The following CACNA1C variants were observed in gnomAD, a reference collection of about 807,000 sequenced individuals.
The protein encoded by CACNA1C is voltage-dependent L-type calcium channel subunit alpha-1C.
CACNA1C carries 30 observed loss-of-function variants against 229.0 expected under a neutral mutation model. That is an observed-to-expected ratio of 0.13 (90% CI 0.10 to 0.18). The LOEUF (loss-of-function observed/expected upper bound fraction) is 0.18. Ranked by LOEUF, CACNA1C falls within the 10% of genes least tolerant of loss-of-function variation. The pLI is 1.00. For missense variants in CACNA1C, 1,658 were observed against 2,845.0 expected, an observed-to-expected ratio of 0.58 and a Z score of 9.49; for synonymous variants, 1,114 against 1,132.5, an observed-to-expected ratio of 0.98 and a Z score of 0.33.
chr12:2,381,220 T>C (rs1417714943), intron 3 of CACNA1C, among the ~76,000 whole-genome samples: 1 of 152,192 alleles, frequency 6.6e-6, no homozygotes. Context: ...CCTGAAATTA[T>C]ATATAAAATG....
At chr12:2,501,051 A>G (rs2099758576) in intron 7 of CACNA1C, among the ~76,000 whole-genome samples, 1 of 151,360 alleles carries the variant, frequency 6.6e-6, no homozygotes, top group Non-Finnish European at 1.5e-5. Context: ...CTTTAAAAAA[A>G]AAAAAAAATT....
At position 2,653,799 on chromosome 12, in the gene CACNA1C, T is replaced by C; in HGVS notation, c.4075-36T>C. On this transcript the variant is annotated intron_variant, in intron 32 of 46. Coordinates refer to ENST00000399655, the MANE Select transcript of CACNA1C (RefSeq NM_000719.7). The surrounding 1 kb of genome is among the most constrained non-coding windows in gnomAD (Gnocchi z 4.7). ...GAAGGGGCCCAGCTGGCCTCTGCACTCCAGCCTCATGGGAGTCTCCTGCAC... is the reference window on the plus strand; with the variant it reads ...GAAGGGGCCCAGCTGGCCTCTGCACCCCAGCCTCATGGGAGTCTCCTGCAC... 1 of 1,595,326 alleles carries C rather than the reference T, an allele frequency of 6.3e-7. No homozygotes were observed. Among genetic ancestry groups the C allele is most frequent in the Non-Finnish European group, 8.6e-7 (1 of 1,163,632 alleles).
intron 1 of CACNA1C, among the ~76,000 whole-genome samples, chr12:2,081,829 A>C (rs1402153513): frequency 6.6e-6 from 1 of 152,226 alleles, no homozygotes; most frequent in Non-Finnish European, 1.5e-5. Context: ...ATGAACTATT[A>C]TTTGAAATAT....
At chr12:2,240,889 C>T (rs865911127) in intron 3 of CACNA1C, among the ~76,000 whole-genome samples, 11 of 152,074 alleles carry the variant, frequency 7.2e-5, no homozygotes, top group African/African-American at 2.2e-4. Context: ...GGTGAGAGTC[C>T]CCTCTCTACA....
At chr12:2,652,993 T>G (rs1478495685) in intron 32 of CACNA1C, among the ~76,000 whole-genome samples, 1 of 152,214 alleles carries the variant, frequency 6.6e-6, no homozygotes, top group Non-Finnish European at 1.5e-5. Flanking sequence ...TGGCGCCTGC[T>G]CTGACGGCAC....
At chr12:2,448,706 A>G (rs999763908) in intron 3 of CACNA1C, among the ~76,000 whole-genome samples, 2 of 152,208 alleles carry the variant, frequency 1.3e-5, no homozygotes, top group African/African-American at 2.4e-5. Context: ...GTTTCAAAAA[A>G]TATGAAATTT....
At chr12:2,099,849 A>G (rs140560193) in intron 1 of CACNA1C, among the ~76,000 whole-genome samples, 3 of 152,110 alleles carry the variant, frequency 2.0e-5, no homozygotes, top group Non-Finnish European at 4.4e-5. Context: ...AGCTCCTTGC[A>G]GCTCTGTCCT....
At chr12:2,589,558 G>A (rs924421395) in intron 18 of CACNA1C, among the ~76,000 whole-genome samples, 8 of 152,226 alleles carry the variant, frequency 5.3e-5, no homozygotes, top group African/African-American at 1.7e-4. Flanking sequence ...GCGAGAGGCC[G>A]GGGCAGGGCA....
At position 2,242,127 on chromosome 12, in the gene CACNA1C, C is replaced by T. The variant is rs187326393; in HGVS notation, c.477+121697C>T. Reference sequence around the variant, plus strand: ...CCTCCGACCTGGCCTCCCACCTCCACGCTCAGTTTTCCCAGCCATACTTTG... The same window carrying T: ...CCTCCGACCTGGCCTCCCACCTCCATGCTCAGTTTTCCCAGCCATACTTTG... On this transcript the variant is annotated intron_variant, in intron 3 of 46. Coordinates refer to ENST00000399655, the MANE Select transcript of CACNA1C (RefSeq NM_000719.7). 5.0e-3 allele frequency among the ~76,000 whole-genome samples: 767 copies of T among 152,322 alleles called. 35 individuals are homozygous for T. Among genetic ancestry groups the T allele is most frequent in the Admixed American group, 0.046 (702 of 15,298 alleles).
chr12:2,285,271 TC>T lies in CACNA1C; in HGVS notation c.478-163704del, dbSNP rs1219646844. On this transcript the variant is annotated intron_variant, in intron 3 of 46. Coordinates refer to ENST00000399655, the MANE Select transcript of CACNA1C (RefSeq NM_000719.7). This position sits in a 1 kb window ranked among gnomAD's most constrained non-coding sequence, Gnocchi z 4.2. Reference sequence around the variant, plus strand: ...CCTTTACACTGGGCATTCAATGTCATCACATTGATAACTTGAAATGGGCAGT... The same window carrying T: ...CCTTTACACTGGGCATTCAATGTCATACATTGATAACTTGAAATGGGCAGT... Among the ~76,000 whole-genome samples, 7 of 152,300 alleles carry T rather than the reference TC, an allele frequency of 4.6e-5. No individual in the cohort carries two copies. The East Asian group carries it at 1.3e-3, about 29-fold the overall frequency.
chr12:2,528,645 T>G (rs1308355027), intron 9 of CACNA1C, among the ~76,000 whole-genome samples: 1 of 152,182 alleles, frequency 6.6e-6, no homozygotes, highest in African/African-American at 2.4e-5. Context: ...AGAAAGCGTT[T>G]GTTCACAAGG....
chr12:2,360,156 A>ACCCCCCCCCCCCC (rs796441635), intron 3 of CACNA1C, among the ~76,000 whole-genome samples: 3 of 57,076 alleles, frequency 5.3e-5, no homozygotes, highest in South Asian at 8.7e-4. Context: ...AACACACCCC[A>ACCCCCCCCCCCCC]CCCCCCCCCA....
intron 1 of CACNA1C, chr12:1,992,646 C>T (rs1160645153): frequency 1.3e-5 from 2 of 159,564 alleles, no homozygotes; most frequent in African/African-American, 2.4e-5. Flanking sequence ...AGAAACGATA[C>T]GAGAGTAAAA....
chr12:2,004,390 G>T (rs2042936882), intron 1 of CACNA1C: 1 of 1,612,520 alleles, frequency 6.2e-7, no homozygotes. Flanking sequence ...GGCTGATGTC[G>T]CGCCCCTTTC....
chr12:2,481,741 T>C (rs1323216312), intron 5 of CACNA1C, among the ~76,000 whole-genome samples: 1 of 152,260 alleles, frequency 6.6e-6, no homozygotes, highest in African/African-American at 2.4e-5. Context: ...CTCAGTCCTA[T>C]TGGTCCCATA....
At chr12:2,273,917 AC>A (rs906928712) in intron 3 of CACNA1C, among the ~76,000 whole-genome samples, 1 of 152,168 alleles carries the variant, frequency 6.6e-6, no homozygotes, top group African/African-American at 2.4e-5. Context: ...CCTGATGAGC[AC>A]CTGATGGGTG....
At chr12:1,993,358 C>T in intron 1 of CACNA1C, 1 of 1,613,658 alleles carries the variant, frequency 6.2e-7, no homozygotes, top group Non-Finnish European at 8.5e-7. Flanking sequence ...TCAGCCTATT[C>T]ATAATGGTGA....
chr12:2,105,369 C>T (rs1359510106), intron 1 of CACNA1C, among the ~76,000 whole-genome samples: 1 of 152,166 alleles, frequency 6.6e-6, no homozygotes, highest in African/African-American at 2.4e-5. Context: ...TCACGGTCTC[C>T]TTGTTTTGGA....
intron 3 of CACNA1C, among the ~76,000 whole-genome samples, chr12:2,200,276 G>C (rs375743700): frequency 2.4e-4 from 36 of 152,184 alleles, no homozygotes; most frequent in African/African-American, 6.3e-4. Context: ...CAGTCTGTAA[G>C]GGGTAAATCC....
Sources: allele counts gnomAD v4.1 joint callset (sites outside exome capture counted in the v4.1 genomes callset), GRCh38; gene constraint gnomAD v4.1.1; non-coding constraint Gnocchi (gnomAD v3.1); transcripts MANE v1.5; gene names NCBI Gene and HGNC (gene_info 2026-07-23, HGNC 2026-07-21).